The following ANKRD30A variants were observed in gnomAD, a reference collection of about 807,000 sequenced individuals.
ANKRD30A encodes the protein ankyrin repeat domain 30A.
ANKRD30A carries 170 observed loss-of-function variants against 166.3 expected under a neutral mutation model. The observed-to-expected ratio is 1.02, with a 90% CI of 0.90 to 1.16. The LOEUF (loss-of-function observed/expected upper bound fraction) is 1.16, where lower values mean the gene tolerates loss of function less well. ANKRD30A is among the 50% of genes most tolerant of loss of function. The pLI is 0.00. For missense variants in ANKRD30A, 1,630 were observed against 1,518.0 expected (o/e 1.07, Z -1.23); for synonymous variants, 564 against 508.9 (o/e 1.11, Z -1.46).
In ANKRD30A at chr10:37,142,155, G is replaced by T. The variant is rs752237951; in HGVS notation, c.1258G>T (p.Glu420Ter). 2.5e-6 allele frequency: 4 copies of T among 1,613,908 alleles called. No homozygotes were observed. In the Middle Eastern group the frequency reaches 4.9e-4, roughly 199 times the overall value. ...AKGRPRKIAW[E>*]KKETPVKTGC... ...AGGAAGACCTAGGAAGATCGCATGG[G>T]AGAAAAAAGAAACACCTGTAAAGAC... The change falls in exon 7 of 36, where the codon GAG (glutamate) becomes TAG (stop). Residue 420 changes from glutamate to a stop codon, truncating the protein, a stop_gained. Transcript: ENST00000361713. LOFTEE classifies it high-confidence loss of function.
chr10:37,253,534 C>G, the ANKRD30A span, among the ~76,000 whole-genome samples: 1 of 152,112 alleles, frequency 6.6e-6, no homozygotes. Flanking sequence ...GAAACCACTG[C>G]TCTTCTTTCT....
At chr10:37,240,483 C>A in the ANKRD30A span, among the ~76,000 whole-genome samples, 1 of 152,096 alleles carries the variant, frequency 6.6e-6, no homozygotes. Context: ...TGACTTTTGT[C>A]TTCAGGAAAT....
At chr10:37,165,578 A>T (rs1193781443) in intron 18 of ANKRD30A, among the ~76,000 whole-genome samples, 5 of 152,038 alleles carry the variant, frequency 3.3e-5, no homozygotes, top group Non-Finnish European at 7.4e-5. Flanking sequence ...GGGACCTGAA[A>T]ATTTAATGCC....
intron 31 of ANKRD30A, among the ~76,000 whole-genome samples, chr10:37,213,733 C>T (rs542726484): frequency 6.6e-6 from 1 of 151,438 alleles, no homozygotes; most frequent in South Asian, 2.1e-4. Context: ...TTCTAATTTT[C>T]CTTTTTATTA....
downstream of ANKRD30A, among the ~76,000 whole-genome samples, chr10:37,233,189 A>C (rs1028626098): frequency 6.6e-6 from 1 of 152,122 alleles, no homozygotes; most frequent in Non-Finnish European, 1.5e-5. Context: ...GGAACAATTA[A>C]ATGATTGTTT....
At chr10:37,161,147 T>C (rs1053946998) in intron 15 of ANKRD30A, among the ~76,000 whole-genome samples, 11 of 152,226 alleles carry the variant, frequency 7.2e-5, no homozygotes, top group South Asian at 2.1e-4. Context: ...AGTTCTCAGG[T>C]GATGCTGATG....
chr10:37,243,954 GAAAC>G, the ANKRD30A span, among the ~76,000 whole-genome samples: 3 of 152,004 alleles, frequency 2.0e-5, no homozygotes, highest in Non-Finnish European at 2.9e-5. Flanking sequence ...ATGCAGTTCA[GAAAC>G]AAACAGTCAC....
intron 34 of ANKRD30A, among the ~76,000 whole-genome samples, chr10:37,230,850 G>A (rs1588966728): frequency 1.3e-5 from 2 of 152,186 alleles, no homozygotes; most frequent in African/African-American, 2.4e-5. Flanking sequence ...TTAGCCTGAA[G>A]GTTTGTGTGG....
chr10:37,241,657 A>G, the ANKRD30A span, among the ~76,000 whole-genome samples: 2 of 152,136 alleles, frequency 1.3e-5, no homozygotes, highest in African/African-American at 2.4e-5. Context: ...TCATTTTGGT[A>G]TATTAGTACT....
At chr10:37,230,228 A>G (rs1306766709) in intron 34 of ANKRD30A, among the ~76,000 whole-genome samples, 6 of 152,052 alleles carry the variant, frequency 3.9e-5, no homozygotes, top group Admixed American at 3.9e-4. Context: ...CAAATGAACT[A>G]AACAAGTCAG....
chr10:37,149,771 A>G lies in ANKRD30A; in HGVS notation c.1573-6A>G. The G allele has an allele frequency of 6.2e-7, 1 of 1,612,978 alleles. No homozygotes were observed. Among genetic ancestry groups the G allele is most frequent in the Non-Finnish European group, 8.5e-7 (1 of 1,179,192 alleles). ...TATTAATCATTTTGCTTCCAACCCC[A>G]TTTAGCCTGCCATTGAAATGCAAAA... On this transcript the variant is annotated splice_region_variant and splice_polypyrimidine_tract_variant and intron_variant, in intron 10 of 35. Transcript: ENST00000361713.
chr10:37,231,688 ATAT>A lies in ANKRD30A; in HGVS notation c.*211+12_*211+14del, dbSNP rs2132767603. ...AAGAATTACTTGTTCACGGTTAGTT[ATAT>A]TATCTGTCTTCCTTTGTTTTTCAGA... is the stretch of plus-strand genomic sequence containing the variant. On this transcript the variant is annotated intron_variant, in intron 35 of 35. Coordinates refer to ENST00000361713, the MANE Select transcript of ANKRD30A (RefSeq NM_052997.3). 2.8e-6 allele frequency: 1 copy of A among 358,390 alleles called. No homozygotes were observed. The highest frequency in any genetic ancestry group is 4.2e-5 in the East Asian group (1 of 23,802). The allele number at this position is 358,390 out of a possible 1,614,324, so 22.2% of individuals were successfully genotyped here.
At chr10:37,212,630 T>C (rs1842398820) in intron 31 of ANKRD30A, among the ~76,000 whole-genome samples, 1 of 152,038 alleles carries the variant, frequency 6.6e-6, no homozygotes, top group African/African-American at 2.4e-5. Flanking sequence ...ACCACAAGGC[T>C]ACAGTAACCA....
chr10:37,158,567 C>T lies in ANKRD30A; in HGVS notation c.1881C>T (p.Asp627=). The T allele has an allele frequency of 9.3e-6, 15 of 1,613,154 alleles. No homozygotes were observed. Among genetic ancestry groups the T allele is most frequent in the Non-Finnish European group, 1.3e-5 (15 of 1,179,584 alleles). The change falls in exon 15 of 36, where the codon GAC becomes GAT. Residue 627 remains aspartate (D), a synonymous_variant. Coordinates refer to ENST00000361713, the MANE Select transcript of ANKRD30A (RefSeq NM_052997.3). ...CAACTAAAGCCTTAGAATTGAAGGA[C>T]ATGCAAACTTTCAAAGCAGGTAAAT... is the stretch of plus-strand genomic sequence containing the variant. ...SIPTKALELK[D]MQTFKAEPPG... is the part of the protein sequence containing the mutation.
intron 34 of ANKRD30A, among the ~76,000 whole-genome samples, chr10:37,228,753 C>T (rs1162480212): frequency 6.6e-6 from 1 of 151,968 alleles, no homozygotes; most frequent in African/African-American, 2.4e-5. Context: ...TACTGCTTCT[C>T]ATTAGCATTG....
intron 18 of ANKRD30A, 143 bp from the exon 19 acceptor site, chr10:37,166,462 T>A (rs1297502298): frequency 5.3e-6 from 4 of 753,290 alleles, no homozygotes; most frequent in Non-Finnish European, 8.1e-6. Context: ...TGTGTTTGTT[T>A]TCTACATGTA....
intron 11 of ANKRD30A, among the ~76,000 whole-genome samples, chr10:37,150,769 A>C (rs1456049579): frequency 1.3e-5 from 2 of 152,146 alleles, no homozygotes; most frequent in Non-Finnish European, 2.9e-5. Context: ...ATAAGTAATA[A>C]ATAAAAATGA....
chr10:37,232,654 T>TATATATATATATATATATATA (rs71007625), downstream of ANKRD30A: 32 of 54,198 alleles, frequency 5.9e-4, 3 homozygotes, highest in South Asian at 1.8e-3. Context: ...AGCATTGGTT[T>TATATATATATATATATATATA]TATATATATA....
intron 17 of ANKRD30A, 65 bp downstream of exon 17, chr10:37,162,913 C>G (rs796500686): frequency 5.4e-5 from 84 of 1,567,062 alleles, no homozygotes; most frequent in Non-Finnish European, 6.9e-5. Flanking sequence ...GATGGTCTTT[C>G]TGTACCCAAT....
Sources: allele counts gnomAD v4.1 joint callset (sites outside exome capture counted in the v4.1 genomes callset), GRCh38; gene constraint gnomAD v4.1.1; transcripts MANE v1.5; gene names NCBI Gene and HGNC (gene_info 2026-07-23, HGNC 2026-07-21).